The following SCUBE1 variants were observed in gnomAD, a reference collection of about 807,000 sequenced individuals.
The protein encoded by SCUBE1 is signal peptide, CUB domain and EGF like domain containing 1, also known as signal peptide, CUB and EGF-like domain-containing protein 1.
Under a neutral mutation model 124.4 loss-of-function variants are expected in SCUBE1, and 59 were observed. The ratio of observed to expected loss-of-function variants is 0.47; its 90% CI spans 0.38 to 0.59. The LOEUF (loss-of-function observed/expected upper bound fraction) is 0.59. Ranked by LOEUF, SCUBE1 falls within the 20% of genes least tolerant of loss-of-function variation. SCUBE1 has a pLI of 0.00. For synonymous variants in SCUBE1, 545 were observed against 550.9 expected, an observed-to-expected ratio of 0.99 and a Z score of 0.15; for missense variants, 1,150 against 1,371.2, an observed-to-expected ratio of 0.84 and a Z score of 2.55.
At chr22:43,321,135 C>G (rs751640477) in intron 2 of SCUBE1, among the ~76,000 whole-genome samples, 4 of 152,216 alleles carry the variant, frequency 2.6e-5, no homozygotes, top group Non-Finnish European at 4.4e-5. Flanking sequence ...CTAAGTGGAA[C>G]CGGAAGTGCA....
At chr22:43,337,999 T>C (rs1927140534) in intron 2 of SCUBE1, among the ~76,000 whole-genome samples, 1 of 152,188 alleles carries the variant, frequency 6.6e-6, no homozygotes, top group South Asian at 2.1e-4. Flanking sequence ...ATGCTTCTCC[T>C]GTCTGAGCCT....
At chr22:43,275,763 C>A (rs921036935) in intron 4 of SCUBE1, among the ~76,000 whole-genome samples, 5 of 152,106 alleles carry the variant, frequency 3.3e-5, no homozygotes, top group Admixed American at 3.3e-4. Context: ...GCACGTGTGC[C>A]GTAACAGGGA....
At chr22:43,289,279 A>C (rs1275633848) in intron 4 of SCUBE1, among the ~76,000 whole-genome samples, 1 of 152,224 alleles carries the variant, frequency 6.6e-6, no homozygotes, top group Non-Finnish European at 1.5e-5. Flanking sequence ...TGTTGGGCTC[A>C]GAGTCCTGGT....
At chr22:43,216,160 T>C (rs569229684) in intron 15 of SCUBE1, among the ~76,000 whole-genome samples, 2 of 151,982 alleles carry the variant, frequency 1.3e-5, no homozygotes, top group East Asian at 4.0e-4. Context: ...GACTCTCCTG[T>C]CTCAGCCTCC....
intron 2 of SCUBE1, among the ~76,000 whole-genome samples, chr22:43,334,565 CCAT>C (rs986834716): frequency 2.6e-5 from 4 of 151,958 alleles, no homozygotes; most frequent in South Asian, 2.1e-4. Context: ...ATCAATATCA[CCAT>C]CATCATCACC....
chr22:43,308,733 G>T (rs764178436), intron 3 of SCUBE1, among the ~76,000 whole-genome samples: 12 of 152,168 alleles, frequency 7.9e-5, no homozygotes, highest in Non-Finnish European at 1.3e-4. Flanking sequence ...TGGGCTCCAG[G>T]CCCCATCGGG....
intron 3 of SCUBE1, among the ~76,000 whole-genome samples, chr22:43,292,988 G>A (rs1426822180): frequency 1.3e-5 from 2 of 152,212 alleles, no homozygotes; most frequent in African/African-American, 4.8e-5. Context: ...GGGGAGGAGG[G>A]AGAGGGACTA....
At chr22:43,264,632 G>A (rs1223509329) in intron 4 of SCUBE1, among the ~76,000 whole-genome samples, 1 of 152,214 alleles carries the variant, frequency 6.6e-6, no homozygotes, top group Non-Finnish European at 1.5e-5. Context: ...TGTTGTCGGC[G>A]GTGGGCTGAG....
intron 4 of SCUBE1, among the ~76,000 whole-genome samples, chr22:43,280,424 CCCTTCCCCTCACCCATCCCCCT>C (rs1924731978): frequency 1.7e-5 from 2 of 121,016 alleles, no homozygotes; most frequent in East Asian, 3.0e-4. Context: ...ATCCTCCTGT[CCCTTCCCCTCACCCATCCCCCT>C]GTCCCTTCCC....
At chr22:43,315,275 C>T (rs1403577041) in intron 3 of SCUBE1, among the ~76,000 whole-genome samples, 3 of 151,970 alleles carry the variant, frequency 2.0e-5, no homozygotes, top group Non-Finnish European at 4.4e-5. Flanking sequence ...TATTACTGAC[C>T]CATTTCACAG....
At chr22:43,262,261 T>A (rs1234392450) in intron 5 of SCUBE1, among the ~76,000 whole-genome samples, 1 of 152,234 alleles carries the variant, frequency 6.6e-6, no homozygotes, top group Non-Finnish European at 1.5e-5. Context: ...CCCAAGAAGC[T>A]GGGACTATAG....
chr22:43,306,102 G>A (rs1925960081), intron 3 of SCUBE1, among the ~76,000 whole-genome samples: 1 of 152,162 alleles, frequency 6.6e-6, no homozygotes. Flanking sequence ...CAAACGTCCA[G>A]GGCGACCCCA....
intron 3 of SCUBE1, among the ~76,000 whole-genome samples, chr22:43,298,780 T>C (rs1323109760): frequency 1.3e-5 from 2 of 152,160 alleles, no homozygotes; most frequent in Admixed American, 6.5e-5. Flanking sequence ...CGACTGGGCT[T>C]GGTGGCTCAC....
chr22:43,224,252 G>T (rs577541159), intron 10 of SCUBE1, among the ~76,000 whole-genome samples: 1 of 152,178 alleles, frequency 6.6e-6, no homozygotes, highest in Non-Finnish European at 1.5e-5. Flanking sequence ...CTTTCTGCGA[G>T]GGCACCGTGT....
chr22:43,223,405 C>A (rs1403575418), intron 10 of SCUBE1, among the ~76,000 whole-genome samples, 189 bp from the exon 11 acceptor site: 1 of 152,158 alleles, frequency 6.6e-6, no homozygotes, highest in Non-Finnish European at 1.5e-5. Context: ...GCCCAGACAG[C>A]TGGCTTAGTC....
chr22:43,216,324 G>A lies in SCUBE1; in HGVS notation c.1891+1931C>T, dbSNP rs577385840. Among the ~76,000 whole-genome samples the A allele has an allele frequency of 4.0e-5, 6 of 150,678 alleles. No individual in the cohort carries two copies. The East Asian group carries it at 1.2e-3, about 31-fold the overall frequency. ...GGCCTCCCAAAGTGCTGGGATTACA[G>A]GCGTGAGCTACCATGCCCGGCCCAA... On this transcript the variant is annotated intron_variant, in intron 15 of 21. Coordinates refer to ENST00000360835, the MANE Select transcript of SCUBE1 (RefSeq NM_173050.5).
intron 4 of SCUBE1, chr22:43,275,909 A>AGGAGGGAAGGGGGATGAGGC (rs1288117730): frequency 6.6e-6 from 1 of 152,518 alleles, no homozygotes; most frequent in Admixed American, 6.5e-5. Context: ...TGCAGGATGC[A>AGGAGGGAAGGGGGATGAGGC]GGAGGGAAGG....
chr22:43,220,687 G>C, intron 13 of SCUBE1, 100 bp from the exon 14 acceptor site: 1 of 1,448,560 alleles, frequency 6.9e-7, no homozygotes, highest in Non-Finnish European at 9.3e-7. Context: ...GGACTTCCTG[G>C]TCCGTGGTGC....
chr22:43,264,470 G>A (rs572811889), intron 4 of SCUBE1, among the ~76,000 whole-genome samples: 57 of 152,328 alleles, frequency 3.7e-4, no homozygotes, highest in Non-Finnish European at 7.2e-4. Context: ...GCTGGACCGG[G>A]TGGCCAGAGG....
Sources: gnomAD v4.1 joint callset for allele counts (sites outside exome capture counted in the v4.1 genomes callset) on GRCh38, gnomAD v4.1.1 for gene constraint, MANE v1.5 for transcripts, NCBI Gene and HGNC (gene_info 2026-07-23, HGNC 2026-07-21) for gene names.